CNTLN: variants seen among roughly 807,000 people sequenced by gnomAD.
CNTLN encodes centlein.
A neutral mutation model predicts 180.0 loss-of-function variants in CNTLN; 212 were observed. The observed-to-expected ratio is 1.18, with a 90% confidence interval of 1.05 to 1.32. The LOEUF is 1.32. CNTLN is among the 40% of genes most tolerant of loss of function. CNTLN has a pLI of 0.00. For missense variants in CNTLN, 2,095 were observed against 1,610.9 expected (o/e 1.30, Z -5.14); for synonymous variants, 722 against 563.1 (o/e 1.28, Z -3.99).
chr9:17,248,222 C>T (rs950257948), intron 5 of CNTLN, among the ~76,000 whole-genome samples: 1 of 152,024 alleles, frequency 6.6e-6, no homozygotes, highest in Non-Finnish European at 1.5e-5. Flanking sequence ...TTTACACTTG[C>T]TTTGGTATAA....
At chr9:17,231,198 G>A (rs1389162937) in intron 3 of CNTLN, among the ~76,000 whole-genome samples, 1 of 152,060 alleles carries the variant, frequency 6.6e-6, no homozygotes, top group African/African-American at 2.4e-5. Flanking sequence ...CCATTGAATT[G>A]TTGTTGTTCC....
intron 18 of CNTLN, among the ~76,000 whole-genome samples, chr9:17,424,236 A>T (rs1828929453): frequency 6.6e-6 from 1 of 152,194 alleles, no homozygotes; most frequent in Admixed American, 6.5e-5. Flanking sequence ...TGCAAAAGTG[A>T]ACATCAAGGG....
intron 25 of CNTLN, among the ~76,000 whole-genome samples, chr9:17,496,360 C>A (rs1465061731): frequency 6.6e-6 from 1 of 152,136 alleles, no homozygotes; most frequent in Non-Finnish European, 1.5e-5. Context: ...GCCATAGGAG[C>A]CTTCTTCCTG....
intron 25 of CNTLN, among the ~76,000 whole-genome samples, chr9:17,499,318 A>G (rs1271221814): frequency 6.6e-6 from 1 of 152,162 alleles, no homozygotes; most frequent in Admixed American, 6.5e-5. Flanking sequence ...TATGATGTTT[A>G]AGAGTTAGCG....
chr9:17,271,221 G>A lies in CNTLN; in HGVS notation c.850-2512G>A, dbSNP rs1279637529. ...CTCCCAAAGTGCTGGGATTACAGGC[G>A]TGAGCCACCGCGCCCAGCACTATTT... is the stretch of plus-strand genomic sequence containing the variant. On this transcript the variant is annotated intron_variant, in intron 5 of 25. Coordinates refer to ENST00000380647, the MANE Select transcript of CNTLN (RefSeq NM_017738.4). 2.6e-5 allele frequency among the ~76,000 whole-genome samples: 4 copies of A among 151,884 alleles called. No homozygotes were observed. In the South Asian group the frequency reaches 6.2e-4, roughly 24 times the overall value.
intron 6 of CNTLN, among the ~76,000 whole-genome samples, chr9:17,284,400 T>C (rs1018541161): frequency 1.3e-5 from 2 of 152,144 alleles, no homozygotes; most frequent in Non-Finnish European, 2.9e-5. Flanking sequence ...ATGGGCTTTT[T>C]TTTGGCTGGT....
Position 17,394,779 on chromosome 9 carries a change from G to A in CNTLN, c.2325G>A (p.Arg775=), listed in dbSNP as rs765691128. The change falls in exon 15 of 26, where the codon AGG becomes AGA. Residue 775 remains arginine (R), a synonymous_variant. Coordinates refer to ENST00000380647, the MANE Select transcript of CNTLN (RefSeq NM_017738.4). The part of the protein sequence containing the change: ...SELETEVTSL[R]RQVAEANALR... Reference sequence around the variant, plus strand: ...TGGAGACAGAAGTCACTTCCCTGAGGAGACAAGTGGCAGAAGCTAATGCAT... The same window carrying A: ...TGGAGACAGAAGTCACTTCCCTGAGAAGACAAGTGGCAGAAGCTAATGCAT... 1 of 1,613,994 alleles carries A rather than the reference G, an allele frequency of 6.2e-7. No individual in the cohort carries two copies. The highest frequency in any genetic ancestry group is 1.7e-5 in the Admixed American group (1 of 59,986).
chr9:17,368,434 G>A (rs1236056996), intron 13 of CNTLN, among the ~76,000 whole-genome samples: 1 of 152,190 alleles, frequency 6.6e-6, no homozygotes, highest in Non-Finnish European at 1.5e-5. Context: ...CTACCCTGAA[G>A]GGAATGACAC....
the CNTLN span, among the ~76,000 whole-genome samples, chr9:17,526,481 C>A: frequency 7.2e-5 from 11 of 152,278 alleles, no homozygotes; most frequent in South Asian, 1.9e-3. Flanking sequence ...TTACTGAATA[C>A]TTCCAAGTTA....
At chr9:17,380,513 C>T (rs915066017) in intron 13 of CNTLN, among the ~76,000 whole-genome samples, 13 of 152,276 alleles carry the variant, frequency 8.5e-5, no homozygotes, top group Non-Finnish European at 1.8e-4. Flanking sequence ...TAACTCCCTT[C>T]AGAGACTGCA....
intron 13 of CNTLN, among the ~76,000 whole-genome samples, chr9:17,377,195 A>T (rs896684730): frequency 1.3e-5 from 2 of 152,182 alleles, no homozygotes; most frequent in Non-Finnish European, 2.9e-5. Flanking sequence ...TTTAAAAGCC[A>T]TGGCTTTTCT....
Position 17,464,546 on chromosome 9 carries a change from G to A in CNTLN, c.3454G>A (p.Asp1152Asn), listed in dbSNP as rs748800287. The A allele has an allele frequency of 1.1e-5, 17 of 1,523,062 alleles. No individual in the cohort carries two copies. The highest frequency in any genetic ancestry group is 2.9e-5 in the African/African-American group (2 of 68,440). 94.3% of individuals were successfully genotyped at this position (1,523,062 alleles called of 1,614,324 possible). ...DITMKRHLIE[D>N]LKFRQKVNLE... ...AACTATGAAAAGACATTTGATAGAG[G>A]ACTTGAAATTTCGACAGAAAGTAAA... Residue 1152 changes from aspartate to asparagine, a missense_variant, in exon 21 of 26, where the codon GAC (aspartate) becomes AAC (asparagine). Transcript: ENST00000380647.
At chr9:17,403,028 G>C (rs980430149) in intron 15 of CNTLN, among the ~76,000 whole-genome samples, 2 of 151,704 alleles carry the variant, frequency 1.3e-5, no homozygotes, top group Non-Finnish European at 2.9e-5. Flanking sequence ...TTGAGGGAGT[G>C]CGTCAAAAGA....
intron 18 of CNTLN, among the ~76,000 whole-genome samples, chr9:17,449,822 T>C (rs1830682229): frequency 6.6e-6 from 1 of 152,246 alleles, no homozygotes; most frequent in Non-Finnish European, 1.5e-5. Flanking sequence ...TAAAATTTGC[T>C]ATAAAGGCAT....
At chr9:17,525,491 C>T in the CNTLN span, among the ~76,000 whole-genome samples, 2 of 152,122 alleles carry the variant, frequency 1.3e-5, no homozygotes, top group Non-Finnish European at 2.9e-5. Context: ...ATGTTGTTAG[C>T]ATAACATTTT....
At chr9:17,156,038 G>T (rs368160786) in intron 2 of CNTLN, among the ~76,000 whole-genome samples, 8 of 152,238 alleles carry the variant, frequency 5.3e-5, no homozygotes, top group South Asian at 2.1e-4. Flanking sequence ...ACCCTGCTTC[G>T]GCTAGCCCTC....
At chr9:17,444,333 T>C (rs1047578603) in intron 18 of CNTLN, 1 of 116,278 alleles carries the variant, frequency 8.6e-6, no homozygotes, top group African/African-American at 3.8e-5. Flanking sequence ...ACAAATACTT[T>C]GTCTGTATGT....
intron 18 of CNTLN, among the ~76,000 whole-genome samples, chr9:17,438,276 G>A (rs1173811730): frequency 6.6e-6 from 1 of 151,968 alleles, no homozygotes; most frequent in Non-Finnish European, 1.5e-5. Context: ...ATAAATTATT[G>A]TTTAAATATC....
chr9:17,262,574 T>C (rs10962962), intron 5 of CNTLN, among the ~76,000 whole-genome samples: 35,592 of 150,910 alleles, frequency 0.24, 5,473 homozygotes, highest in African/African-American at 0.37. Flanking sequence ...ATGCCTGTTG[T>C]GGGGTAGTGG....
Sources: gnomAD v4.1 joint callset for allele counts (sites outside exome capture counted in the v4.1 genomes callset) on GRCh38, gnomAD v4.1.1 for gene constraint, MANE v1.5 for transcripts, NCBI Gene and HGNC (gene_info 2026-07-23, HGNC 2026-07-21) for gene names.